The following CRISP1 variants were observed in gnomAD, a reference collection of about 807,000 sequenced individuals.
CRISP1 encodes the protein cysteine-rich secretory protein 1.
Under a neutral mutation model 33.1 loss-of-function variants are expected in CRISP1, and 44 were observed. The ratio of observed to expected loss-of-function variants is 1.33; its 90% confidence interval spans 1.05 to 1.71. The LOEUF is 1.71. Among genes scored for constraint, CRISP1 ranks in the 40% most tolerant of loss-of-function variants. The probability of loss-of-function intolerance (pLI) is 0.00; values close to 1 mark genes in which losing one functional copy is unlikely to be tolerated. For missense variants in CRISP1, 390 were observed against 301.2 expected (o/e 1.29, Z -2.18); for synonymous variants, 103 against 98.7 (o/e 1.04, Z -0.26).
chr6:49,835,394 G>T lies in CRISP1; in HGVS notation c.672C>A (p.Val224=). The T allele has an allele frequency of 1.2e-6, 2 of 1,613,504 alleles. No individual in the cohort carries two copies. Among genetic ancestry groups the T allele is most frequent in the Non-Finnish European group, 1.7e-6 (2 of 1,179,494 alleles). The part of the protein sequence containing the change: ...YDEYFDCDIQ[V]HYLGCNHSTT... ...TTGAGTGGTTGCATCCCAGATAATG[G>T]ACTTGTATGTCACAGTCGAAGTATT... is the stretch of plus-strand genomic sequence containing the variant. The change falls in exon 8 of 8, where the codon GTC becomes GTA. Residue 224 remains valine, a synonymous_variant. Coordinates refer to ENST00000335847, the MANE Select transcript of CRISP1 (RefSeq NM_001131.3).
intron 1 of CRISP1, among the ~76,000 whole-genome samples, chr6:49,864,914 C>A (rs1352598301): frequency 6.6e-6 from 1 of 152,012 alleles, no homozygotes; most frequent in African/African-American, 2.4e-5. Context: ...ATAAATCTAG[C>A]TAATTTTTAT....
rs1006754345 is a variant in CRISP1 at position 49,846,589 on chromosome 6, C to T, written c.366G>A (p.Glu122=). The T allele has an allele frequency of 1.9e-5, 31 of 1,613,408 alleles. No individual in the cohort carries two copies. The highest frequency in any genetic ancestry group is 2.6e-5 in the Non-Finnish European group (31 of 1,179,666). Residue 122 remains glutamate, a synonymous_variant, in exon 5 of 8, where the codon GAG becomes GAA. Transcript: ENST00000335847. ...WSSVIGVWYS[E]STSFKHGEWT... ...ATTCTCCATGTTTGAAACTTGTAGA[C>T]TCACTGTACCAGACTCCAATTACAC...
At position 49,848,246 on chromosome 6, in the gene CRISP1, A is replaced by G; in HGVS notation, c.249T>C (p.Asp83=). Residue 83 remains aspartate, a synonymous_variant, in exon 4 of 8, where the codon GAT becomes GAC. Coordinates refer to ENST00000335847, the MANE Select transcript of CRISP1 (RefSeq NM_001131.3). ...QNARIFSKYC[D]MTESNPLERR... ...TCTCAAGGGGGTTGCTCTCTGTCATATCACAATACTTTGAAAAAATTCTGG... is the reference window on the plus strand; with the variant it reads ...TCTCAAGGGGGTTGCTCTCTGTCATGTCACAATACTTTGAAAAAATTCTGG... The G allele has an allele frequency of 6.2e-7, 1 of 1,607,396 alleles. No homozygotes were observed.
Position 49,844,873 on chromosome 6 carries a change from G to A in CRISP1, c.435+1647C>T, listed in dbSNP as rs142945703. Among the ~76,000 whole-genome samples, 226 of 152,206 alleles carry A rather than the reference G, an allele frequency of 1.5e-3. 2 individuals carry two copies. Among genetic ancestry groups the A allele is most frequent in the African/African-American group, 4.7e-3 (196 of 41,528 alleles). On this transcript the variant is annotated intron_variant, in intron 5 of 7. Coordinates refer to ENST00000335847, the MANE Select transcript of CRISP1 (RefSeq NM_001131.3). ...TTTGTTTCATAGGTTCACTCCTGGCGAGAAATTTTACCTCTGGATGAATCA... is the reference window on the plus strand; with the variant it reads ...TTTGTTTCATAGGTTCACTCCTGGCAAGAAATTTTACCTCTGGATGAATCA...
At chr6:49,841,574 C>T (rs146352194) in intron 5 of CRISP1, among the ~76,000 whole-genome samples, 179 of 152,258 alleles carry the variant, frequency 1.2e-3, no homozygotes, top group African/African-American at 4.2e-3. Flanking sequence ...ACATGAGTGG[C>T]TGTCATCAAC....
At position 49,848,266 on chromosome 6, in the gene CRISP1, T is replaced by C. The variant is rs1158735744; in HGVS notation, c.229A>G (p.Ile77Val). ...GTCATATCACAATACTTTGAAAAAA[T>C]TCTGGCATTTTGTGCAGCCTCTTCA... is the stretch of plus-strand genomic sequence containing the variant. ...WSEEAAQNAR[I>V]FSKYCDMTES... Residue 77 changes from isoleucine (I) to valine (V), a missense_variant, in exon 4 of 8, where the codon ATT becomes GTT. Coordinates refer to ENST00000335847, the MANE Select transcript of CRISP1 (RefSeq NM_001131.3). 1.2e-6 allele frequency: 2 copies of C among 1,608,450 alleles called. No individual in the cohort carries two copies. Among genetic ancestry groups the C allele is most frequent in the Middle Eastern group, 1.7e-4 (1 of 6,034 alleles).
At position 49,835,377 on chromosome 6, in the gene CRISP1, T is replaced by C. The variant is rs1770752532; in HGVS notation, c.689A>G (p.Asn230Ser). 2 of 1,613,594 alleles carry C rather than the reference T, an allele frequency of 1.2e-6. No homozygotes were observed. The highest frequency in any genetic ancestry group is 1.7e-5 in the Admixed American group (1 of 60,004). Residue 230 changes from asparagine (N) to serine (S), a missense_variant, in exon 8 of 8, where the codon AAC becomes AGC. Physicochemically the swap from Asn to Ser is conservative, Grantham distance 46. Coordinates refer to ENST00000335847, the MANE Select transcript of CRISP1 (RefSeq NM_001131.3). ...CDIQVHYLGC[N>S]HSTTILFCKA... ...ACAGAATAGGATAGTTGTTGAGTGGTTGCATCCCAGATAATGGACTTGTAT... is the reference window on the plus strand; with the variant it reads ...ACAGAATAGGATAGTTGTTGAGTGGCTGCATCCCAGATAATGGACTTGTAT...
intron 1 of CRISP1, 126 bp downstream of exon 1, chr6:49,866,303 A>G (rs1380905858): frequency 1.3e-5 from 2 of 152,218 alleles, no homozygotes; most frequent in Non-Finnish European, 2.9e-5. Context: ...TTACTTTTAG[A>G]TAACAATAGC....
At chr6:49,867,625 A>C (rs1484528453), upstream of CRISP1, among the ~76,000 whole-genome samples, 3 of 152,030 alleles carry the variant, frequency 2.0e-5, no homozygotes, top group African/African-American at 4.8e-5. Context: ...GGTCTTGTTA[A>C]AGTATATAAT....
intron 7 of CRISP1, 27 bp downstream of exon 7, chr6:49,838,410 A>T: frequency 6.4e-7 from 1 of 1,562,792 alleles, no homozygotes; most frequent in East Asian, 2.3e-5. Flanking sequence ...GGTTAACTGT[A>T]AACAAACAGA....
intron 1 of CRISP1, among the ~76,000 whole-genome samples, chr6:49,858,508 C>A (rs1771555632): frequency 6.6e-6 from 1 of 152,200 alleles, no homozygotes; most frequent in Non-Finnish European, 1.5e-5. Context: ...CCATTGCTCT[C>A]ACGTTTCCCC....
At chr6:49,861,371 G>A (rs1417918417) in intron 1 of CRISP1, among the ~76,000 whole-genome samples, 4 of 152,002 alleles carry the variant, frequency 2.6e-5, no homozygotes, top group Admixed American at 6.6e-5. Context: ...AAATCCAACA[G>A]CACATGTAAG....
rs932239378 is a variant in CRISP1 at position 49,834,387 on chromosome 6, C to A, written c.*929G>T. 1.3e-5 allele frequency: 2 copies of A among 151,986 alleles called. No individual in the cohort carries two copies. Among genetic ancestry groups the A allele is most frequent in the African/African-American group, 2.4e-5 (1 of 41,360 alleles). 9.4% of individuals were successfully genotyped at this position (151,986 alleles called of 1,614,324 possible). ...TAGCCTTCCCTTTCCCCATGTCAGGCCCTTCAATATTCCCTAAGGCTTCAG... is the reference window on the plus strand; with the variant it reads ...TAGCCTTCCCTTTCCCCATGTCAGGACCTTCAATATTCCCTAAGGCTTCAG... On this transcript the variant is annotated 3_prime_UTR_variant, in exon 8 of 8. Coordinates refer to ENST00000335847, the MANE Select transcript of CRISP1 (RefSeq NM_001131.3).
chr6:49,859,311 C>T (rs536627047), intron 1 of CRISP1, among the ~76,000 whole-genome samples: 2 of 152,006 alleles, frequency 1.3e-5, no homozygotes, highest in South Asian at 4.2e-4. Context: ...ATATCCACAT[C>T]TCTGGAGCCA....
At chr6:49,871,057 C>G (rs76944584), upstream of CRISP1, among the ~76,000 whole-genome samples, 1 of 151,102 alleles carries the variant, frequency 6.6e-6, no homozygotes, top group African/African-American at 2.4e-5. Context: ...GCTGAGAGAT[C>G]GCGCCATTGC....
At chr6:49,873,234 G>T (rs1461444065) in intron 1 of CRISP1, among the ~76,000 whole-genome samples, 1 of 151,700 alleles carries the variant, frequency 6.6e-6, no homozygotes, top group African/African-American at 2.4e-5. Context: ...AATTGTTCAA[G>T]GATATAACAC....
At position 49,846,573 on chromosome 6, in the gene CRISP1, G is replaced by A; in HGVS notation, c.382C>T (p.His128Tyr). ...TCATCCGTTGTTGTCCATTCTCCAT[G>A]TTTGAAACTTGTAGACTCACTGTAC... is the stretch of plus-strand genomic sequence containing the variant. Reference protein sequence around the residue: ...VWYSESTSFKHGEWTTTDDDI... With the variant: ...VWYSESTSFKYGEWTTTDDDI... The change falls in exon 5 of 8, where the codon CAT becomes TAT. Residue 128 changes from histidine (H) to tyrosine (Y), a missense_variant. Physicochemically the swap from His to Tyr is moderately conservative, Grantham distance 83 (BLOSUM62 2). Coordinates refer to ENST00000335847, the MANE Select transcript of CRISP1 (RefSeq NM_001131.3). The A allele has an allele frequency of 6.2e-7, 1 of 1,613,610 alleles. No homozygotes were observed. The highest frequency in any genetic ancestry group is 8.5e-7 in the Non-Finnish European group (1 of 1,179,728).
At chr6:49,836,942 C>G (rs966081278) in intron 7 of CRISP1, among the ~76,000 whole-genome samples, 3 of 151,880 alleles carry the variant, frequency 2.0e-5, no homozygotes, top group South Asian at 2.1e-4. Context: ...CTACTTTATT[C>G]TCTTATGTAG....
At chr6:49,852,691 T>A in intron 2 of CRISP1, among the ~76,000 whole-genome samples, 1 of 152,224 alleles carries the variant, frequency 6.6e-6, no homozygotes, top group East Asian at 1.9e-4. Context: ...CAAGTGTATG[T>A]GTGAGAGAGT....
Sources: allele counts gnomAD v4.1 joint callset (sites outside exome capture counted in the v4.1 genomes callset), GRCh38; gene constraint gnomAD v4.1.1; transcripts MANE v1.5; gene names NCBI Gene and HGNC (gene_info 2026-07-23, HGNC 2026-07-21).